Variants in DNAJC10 observed in about 807,000 individuals in gnomAD.
DNAJC10 encodes DnaJ heat shock protein family (Hsp40) member C10.
Under a neutral mutation model 115.0 loss-of-function variants are expected in DNAJC10, and 101 were observed. The observed-to-expected ratio is 0.88, with a 90% CI of 0.75 to 1.04. The LOEUF (loss-of-function observed/expected upper bound fraction) is 1.04, where lower values mean the gene tolerates loss of function less well. Among genes scored for constraint, DNAJC10 ranks in the 50% least tolerant of loss-of-function variants. The pLI is 0.00. For missense variants in DNAJC10, 981 were observed against 928.8 expected (o/e 1.06, Z -0.73); for synonymous variants, 307 against 301.5 (o/e 1.02, Z -0.19).
At chr2:182,772,892 C>T (rs1043057325) in intron 22 of DNAJC10, among the ~76,000 whole-genome samples, 3 of 152,120 alleles carry the variant, frequency 2.0e-5, no homozygotes, top group Admixed American at 6.5e-5. Flanking sequence ...ATGATGTTAG[C>T]TGGTTATTTT....
intron 4 of DNAJC10, among the ~76,000 whole-genome samples, chr2:182,720,644 ACT>A (rs1693127740): frequency 6.6e-6 from 1 of 152,054 alleles, no homozygotes; most frequent in Non-Finnish European, 1.5e-5. Context: ...GTGTAAGTAC[ACT>A]CTGTGATGTT....
At chr2:182,767,688 C>T (rs1237417189) in intron 22 of DNAJC10, among the ~76,000 whole-genome samples, 1 of 152,082 alleles carries the variant, frequency 6.6e-6, no homozygotes, top group Non-Finnish European at 1.5e-5. Flanking sequence ...GGGGGCAGCT[C>T]TTCTAAGAGA....
chr2:182,772,709 C>G, intron 22 of DNAJC10, among the ~76,000 whole-genome samples: 1 of 151,994 alleles, frequency 6.6e-6, no homozygotes, highest in East Asian at 1.9e-4. Flanking sequence ...TTCCTCCATC[C>G]CTTTATTTTG....
chr2:182,747,488 T>A (rs62188164), intron 14 of DNAJC10, among the ~76,000 whole-genome samples: 90,147 of 137,630 alleles, frequency 0.65, 30,041 homozygotes, highest in African/African-American at 0.78. Context: ...ATTCTCTTTG[T>A]AGCAATTGTG....
rs768326872 is a variant in DNAJC10 at position 182,787,163 on chromosome 2, G to T, written c.*10031G>T. 1 of 152,210 alleles carries T rather than the reference G, an allele frequency of 6.6e-6. No individual in the cohort carries two copies. Among genetic ancestry groups the T allele is most frequent in the Non-Finnish European group, 1.5e-5 (1 of 68,086 alleles). The allele number at this position is 152,210 out of a possible 1,614,324, so 9.4% of individuals were successfully genotyped here. ...TATATTGAAAAAAATCAGTTTTGCA[G>T]TTCCACTGGTCAGGTGAATGCCAGA... On this transcript the variant is annotated 3_prime_UTR_variant, in exon 24 of 24. Transcript: ENST00000264065.
intron 9 of DNAJC10, among the ~76,000 whole-genome samples, chr2:182,731,775 A>C (rs1186575330): frequency 6.6e-6 from 1 of 152,182 alleles, no homozygotes; most frequent in African/African-American, 2.4e-5. Flanking sequence ...CCTTGTAACT[A>C]AAATCAACCC....
At chr2:182,758,405 A>G (rs1397988079) in intron 19 of DNAJC10, among the ~76,000 whole-genome samples, 1 of 152,194 alleles carries the variant, frequency 6.6e-6, no homozygotes, top group African/African-American at 2.4e-5. Flanking sequence ...GTAAAAATGA[A>G]CCATGGATTT....
chr2:182,747,170 C>G (rs62188163), intron 14 of DNAJC10, among the ~76,000 whole-genome samples: 88,370 of 138,872 alleles, frequency 0.64, 27,376 homozygotes, highest in African/African-American at 0.77. Flanking sequence ...AGTGTGATGC[C>G]TCCAGCTTTG....
chr2:182,765,914 A>T (rs1423934975), intron 22 of DNAJC10, among the ~76,000 whole-genome samples: 2 of 152,236 alleles, frequency 1.3e-5, no homozygotes, highest in Non-Finnish European at 2.9e-5. Context: ...AATGGATTCA[A>T]ATAAATGACC....
At chr2:182,745,887 A>C (rs1460419989) in intron 14 of DNAJC10, among the ~76,000 whole-genome samples, 5 of 149,324 alleles carry the variant, frequency 3.3e-5, no homozygotes, top group Admixed American at 1.3e-4. Context: ...ATGTCTCCCC[A>C]CTCCCCCCAC....
intron 13 of DNAJC10, among the ~76,000 whole-genome samples, chr2:182,743,030 A>G (rs1559009138): frequency 6.6e-6 from 1 of 151,924 alleles, no homozygotes; most frequent in Non-Finnish European, 1.5e-5. Flanking sequence ...TATTTTTAGT[A>G]GAGACGTGGT....
intron 14 of DNAJC10, among the ~76,000 whole-genome samples, chr2:182,744,921 C>G (rs1574936376): frequency 6.6e-6 from 1 of 152,090 alleles, no homozygotes; most frequent in Non-Finnish European, 1.5e-5. Flanking sequence ...CTCAGACCCC[C>G]CCTCTTCTCT....
chr2:182,732,956 T>A (rs1351561098), intron 10 of DNAJC10, among the ~76,000 whole-genome samples: 1 of 152,044 alleles, frequency 6.6e-6, no homozygotes, highest in Non-Finnish European at 1.5e-5. Flanking sequence ...TGTGGCTTTG[T>A]GGCTTGACAA....
rs558692751 is a variant in DNAJC10 at position 182,731,498 on chromosome 2, A to G, written c.805+391A>G. Among the ~76,000 whole-genome samples, 4 of 152,232 alleles carry G rather than the reference A, an allele frequency of 2.6e-5. No homozygotes were observed. The South Asian group carries it at 8.3e-4, about 32-fold the overall frequency. ...ATGCTTATATATATCTCTCAAACAT[A>G]CATAGATTTGCCTCATACAATTATA... is the stretch of plus-strand genomic sequence containing the variant. On this transcript the variant is annotated intron_variant, in intron 9 of 23. Coordinates refer to ENST00000264065, the MANE Select transcript of DNAJC10 (RefSeq NM_018981.4).
chr2:182,731,340 C>G (rs557503551), intron 9 of DNAJC10, among the ~76,000 whole-genome samples: 15 of 152,058 alleles, frequency 9.9e-5, no homozygotes, highest in Non-Finnish European at 1.6e-4. Flanking sequence ...ACCAGTTTTT[C>G]AGCTTAGACT....
chr2:182,728,603 G>C lies in DNAJC10; in HGVS notation c.446G>C (p.Trp149Ser), dbSNP rs373693809. The C allele has an allele frequency of 6.2e-7, 1 of 1,611,990 alleles. No individual in the cohort carries two copies. The highest frequency in any genetic ancestry group is 8.5e-7 in the Non-Finnish European group (1 of 1,178,920). ...GCTGCTGTTAATTCTGGAGAACTGT[G>C]GTTTGTAAATTTTTACTCCCCAGGC... ...FDAAVNSGEL[W>S]FVNFYSPGCS... Residue 149 changes from tryptophan to serine, a missense_variant, in exon 6 of 24, where the codon TGG becomes TCG. Physicochemically the swap from Trp to Ser is radical, Grantham distance 177 (BLOSUM62 -3). Transcript: ENST00000264065.
rs149647978 is a variant in DNAJC10 at position 182,756,829 on chromosome 2, G to A, written c.1809+360G>A. On this transcript the variant is annotated intron_variant, in intron 18 of 23. Transcript: ENST00000264065. ...AATTTTTGTATTTTTAGTAGAAACA[G>A]GGTTTTGCCATGTTGGCCAGGCTGG... is the stretch of plus-strand genomic sequence containing the variant. Among the ~76,000 whole-genome samples, 468 of 152,268 alleles carry A rather than the reference G, an allele frequency of 3.1e-3. 3 individuals are homozygous for A. Among genetic ancestry groups the A allele is most frequent in the African/African-American group, 0.011 (455 of 41,548 alleles).
rs1043464144 is a variant in DNAJC10 at position 182,777,541 on chromosome 2, G to A, written c.*409G>A. On this transcript the variant is annotated 3_prime_UTR_variant, in exon 24 of 24. Transcript: ENST00000264065. ...TTATAATGTTTCAGGTGGCTGGCTT[G>A]AACATGAGTCTGCTGTGCTATCTAC... 1 of 153,806 alleles carries A rather than the reference G, an allele frequency of 6.5e-6. No homozygotes were observed. The highest frequency in any genetic ancestry group is 2.4e-5 in the African/African-American group (1 of 41,542). 9.5% of individuals were successfully genotyped at this position (153,806 alleles called of 1,614,324 possible).
intron 5 of DNAJC10, among the ~76,000 whole-genome samples, chr2:182,726,879 G>C (rs921017240): frequency 6.7e-6 from 1 of 149,020 alleles, no homozygotes; most frequent in Non-Finnish European, 1.5e-5. Flanking sequence ...CTGCGGGCAT[G>C]TGCCACCATG....
Sources: allele counts gnomAD v4.1 joint callset (sites outside exome capture counted in the v4.1 genomes callset), GRCh38; gene constraint gnomAD v4.1.1; transcripts MANE v1.5; gene names NCBI Gene and HGNC (gene_info 2026-07-23, HGNC 2026-07-21).